FIGN: variants seen among roughly 807,000 people sequenced by gnomAD.
FIGN encodes fidgetin.
In FIGN, 11 loss-of-function variants were observed where a neutral mutation model predicts 51.3. The ratio of observed to expected loss-of-function variants is 0.21; its 90% CI spans 0.13 to 0.35. The LOEUF (loss-of-function observed/expected upper bound fraction) is 0.35. Among genes scored for constraint, FIGN ranks in the 10% least tolerant of loss-of-function variants. The probability of loss-of-function intolerance (pLI) is 1.00; values close to 1 mark genes in which losing one functional copy is unlikely to be tolerated. For synonymous variants in FIGN, 407 were observed against 363.2 expected, an observed-to-expected ratio of 1.12 and a Z score of -1.37; for missense variants, 857 against 943.6, an observed-to-expected ratio of 0.91 and a Z score of 1.20.
intron 2 of FIGN, among the ~76,000 whole-genome samples, chr2:163,711,977 C>T (rs1684594932): frequency 1.3e-5 from 2 of 152,070 alleles, no homozygotes; most frequent in Admixed American, 1.3e-4. Context: ...CATTCCACAG[C>T]CCCCACCCTC....
intron 2 of FIGN, among the ~76,000 whole-genome samples, chr2:163,724,319 T>A (rs548924392): frequency 5.9e-5 from 9 of 152,318 alleles, no homozygotes; most frequent in African/African-American, 1.9e-4. Flanking sequence ...GTACATGTCA[T>A]TAGTATATTC....
intron 2 of FIGN, among the ~76,000 whole-genome samples, chr2:163,660,735 A>C (rs1314279198): frequency 8.7e-6 from 1 of 114,820 alleles, no homozygotes; most frequent in Non-Finnish European, 1.8e-5. Context: ...GTATACACAT[A>C]TACATATATA....
rs1280884046 is a variant in FIGN at position 163,610,199 on chromosome 2, C to T, written c.1633G>A (p.Ala545Thr). 6.2e-7 allele frequency: 1 copy of T among 1,614,096 alleles called. No individual in the cohort carries two copies. The highest frequency in any genetic ancestry group is 8.5e-7 in the Non-Finnish European group (1 of 1,180,002). ...GAACCGGCAATTTTGAAAAATGTGG[C>T]CCCCAGCTGACTAGCGATGCATCTG... The part of the protein sequence containing the change: ...LGRCIASQLG[A>T]TFFKIAGSGL... Residue 545 changes from alanine (A) to threonine (T), a missense_variant, in exon 3 of 3, where the codon GCC (alanine) becomes ACC (threonine). By Grantham distance (58) the Ala-to-Thr change is moderately conservative (BLOSUM62 0). Transcript: ENST00000333129.
Position 163,611,256 on chromosome 2 carries a change from T to C in FIGN, c.576A>G (p.Ser192=), listed in dbSNP as rs755721668. Residue 192 remains serine (S), a synonymous_variant, in exon 3 of 3, where the codon TCA becomes TCG. Coordinates refer to ENST00000333129, the MANE Select transcript of FIGN (RefSeq NM_018086.4). ...SQEYAPGYNG[S]YLHSTYSSQP... is the part of the protein sequence containing the mutation. The stretch of plus-strand genomic sequence containing the variant: ...GGCTACTATAAGTAGAATGCAAATA[T>C]GATCCGTTGTATCCTGGGGCATATT... 5 of 1,614,006 alleles carry C rather than the reference T, an allele frequency of 3.1e-6. No individual in the cohort carries two copies. The highest frequency in any genetic ancestry group is 4.2e-6 in the Non-Finnish European group (5 of 1,180,016).
chr2:163,611,963 T>C (rs1476894945), intron 2 of FIGN, among the ~76,000 whole-genome samples, 157 bp from the exon 3 acceptor site: 1 of 152,228 alleles, frequency 6.6e-6, no homozygotes, highest in East Asian at 1.9e-4. Context: ...ATGATCCCTA[T>C]AATAAGTACT....
At position 163,660,826 on chromosome 2, in the gene FIGN, T is replaced by C. The variant is rs368991627; in HGVS notation, c.26-49020A>G. ...ATACATATATATACATATACATATATATGTATACATATATACATATATATA... is the reference window on the plus strand; with the variant it reads ...ATACATATATATACATATACATATACATGTATACATATATACATATATATA... On this transcript the variant is annotated intron_variant, in intron 2 of 2. Transcript: ENST00000333129. Among the ~76,000 whole-genome samples, 45 of 43,400 alleles carry C rather than the reference T, an allele frequency of 1.0e-3. 14 individuals are homozygous for C. Among genetic ancestry groups the C allele is most frequent in the Non-Finnish European group, 1.4e-3 (30 of 21,844 alleles). 28.5% of individuals were successfully genotyped at this position (43,400 alleles called of 152,430 possible). A position where few individuals can be genotyped will look rare whatever the true frequency, so the allele number is the denominator to read the frequency against.
At chr2:163,698,866 A>T (rs1684363826) in intron 2 of FIGN, among the ~76,000 whole-genome samples, 2 of 152,214 alleles carry the variant, frequency 1.3e-5, no homozygotes, top group African/African-American at 4.8e-5. Context: ...TCAGTAAGAA[A>T]GACGTTTCTT....
intron 2 of FIGN, among the ~76,000 whole-genome samples, chr2:163,674,332 A>G (rs532028509): frequency 6.6e-6 from 1 of 152,144 alleles, no homozygotes; most frequent in African/African-American, 2.4e-5. Context: ...ACGCTTTTCT[A>G]ATGTAGAGAT....
rs1479745085 is a variant in FIGN, at chr2:163,610,645, C to T, written c.1187G>A (p.Ser396Asn). 4 of 1,614,088 alleles carry T rather than the reference C, an allele frequency of 2.5e-6. No individual in the cohort carries two copies. Among genetic ancestry groups the T allele is most frequent in the African/African-American group, 1.3e-5 (1 of 74,946 alleles). Reference sequence around the variant, plus strand: ...GTAGGAAGGAGGGGTCAGAGCCCTACTGGACTGGCTGCTGAATTTCCTTTG... The same window carrying T: ...GTAGGAAGGAGGGGTCAGAGCCCTATTGGACTGGCTGCTGAATTTCCTTTG... ...EQQRKFSSQS[S>N]RALTPPSYST... The change falls in exon 3 of 3, where the codon AGT becomes AAT. Residue 396 changes from serine to asparagine, a missense_variant. Ser to Asn is a conservative substitution (Grantham distance 46). Around this residue, in one of 3 missense-constraint regions of FIGN, gnomAD observed 799 missense variants for 849.5 expected, o/e 0.94. Transcript: ENST00000333129.
chr2:163,611,037 C>T lies in FIGN; in HGVS notation c.795G>A (p.Gly265=), dbSNP rs756271439. The change falls in exon 3 of 3, where the codon GGG becomes GGA. Residue 265 remains glycine, a synonymous_variant. Coordinates refer to ENST00000333129, the MANE Select transcript of FIGN (RefSeq NM_018086.4). The stretch of plus-strand genomic sequence containing the variant: ...ACGCTGAAGGCGGAGGCGGTGCCCC[C>T]CCAGGGCTGTACCCAGACCCCACAG... ...QTAVGSGYSP[G]GAPPPPSAYL... is the part of the protein sequence containing the mutation. 5.0e-6 allele frequency: 8 copies of T among 1,613,882 alleles called. No individual in the cohort carries two copies. The highest frequency in any genetic ancestry group is 1.6e-4 in the Middle Eastern group (1 of 6,062).
rs185344039 is a variant in FIGN at position 163,667,883 on chromosome 2, G to A, written c.26-56077C>T. 2.5e-3 allele frequency among the ~76,000 whole-genome samples: 383 copies of A among 152,204 alleles called. 10 individuals carry two copies. In the South Asian group the frequency reaches 0.05, roughly 20 times the overall value. On this transcript the variant is annotated intron_variant, in intron 2 of 2. Coordinates refer to ENST00000333129, the MANE Select transcript of FIGN (RefSeq NM_018086.4). ...TCTTCATCATCTCTGCATCCCTAGC[G>A]CAGAGCCTGGAATATAGATATGTGT... is the stretch of plus-strand genomic sequence containing the variant.
intron 2 of FIGN, among the ~76,000 whole-genome samples, chr2:163,708,291 T>C (rs1166727614): frequency 6.6e-6 from 1 of 152,176 alleles, no homozygotes; most frequent in Non-Finnish European, 1.5e-5. Flanking sequence ...TAGTATTAAA[T>C]GTAATTAAGA....
intron 2 of FIGN, among the ~76,000 whole-genome samples, chr2:163,631,230 G>T (rs972029964): frequency 6.6e-6 from 1 of 152,084 alleles, no homozygotes; most frequent in African/African-American, 2.4e-5. Flanking sequence ...GACTGTTATG[G>T]ATTTAGTATT....
intron 2 of FIGN, 152 bp from the exon 3 acceptor site, chr2:163,611,958 C>A: frequency 1.6e-6 from 1 of 638,044 alleles, no homozygotes; most frequent in South Asian, 2.2e-5. Context: ...CTATTATGAT[C>A]CCTATAATAA....
chr2:163,624,951 A>G (rs536388829), intron 2 of FIGN, among the ~76,000 whole-genome samples: 1 of 152,016 alleles, frequency 6.6e-6, no homozygotes, highest in African/African-American at 2.4e-5. Context: ...AGCTCCATGA[A>G]TTGGTTGCTT....
intron 2 of FIGN, among the ~76,000 whole-genome samples, chr2:163,682,476 G>A (rs909549607): frequency 6.6e-6 from 1 of 152,146 alleles, no homozygotes; most frequent in Non-Finnish European, 1.5e-5. Context: ...GCACTTCAAG[G>A]AACAGACATG....
chr2:163,712,410 C>T (rs1237135077), intron 2 of FIGN, among the ~76,000 whole-genome samples: 2 of 151,982 alleles, frequency 1.3e-5, no homozygotes, highest in Non-Finnish European at 2.9e-5. Flanking sequence ...CCAGCAAAAC[C>T]CTGAGGCAAA....
intron 2 of FIGN, among the ~76,000 whole-genome samples, chr2:163,685,031 C>G (rs1031526813): frequency 3.3e-5 from 5 of 151,672 alleles, no homozygotes; most frequent in Admixed American, 2.6e-4. Context: ...GTGATTCACC[C>G]GCTTCAGCCT....
rs1045197470 is a variant in FIGN, at chr2:163,632,425, G to T, written c.26-20619C>A. ...GCTTAACATGTGTGCTTTAGAACAAGATTCCATCTGTTCTCTGCTATCCCC... is the reference window on the plus strand; with the variant it reads ...GCTTAACATGTGTGCTTTAGAACAATATTCCATCTGTTCTCTGCTATCCCC... On this transcript the variant is annotated intron_variant, in intron 2 of 2. Transcript: ENST00000333129. Among the ~76,000 whole-genome samples the T allele has an allele frequency of 2.0e-5, 3 of 152,294 alleles. No homozygotes were observed. In the East Asian group the frequency reaches 5.8e-4, roughly 29 times the overall value.
Sources: allele counts gnomAD v4.1 joint callset (sites outside exome capture counted in the v4.1 genomes callset), GRCh38; gene constraint gnomAD v4.1.1; regional missense constraint gnomAD v4.1.1; transcripts MANE v1.5; gene names NCBI Gene and HGNC (gene_info 2026-07-23, HGNC 2026-07-21).